GALNT2: variants seen among roughly 807,000 people sequenced by gnomAD.
GALNT2 encodes the protein UDP-GalNAc:polypeptide N-acetylgalactosaminyltransferase 2.
Under a neutral mutation model 81.4 loss-of-function variants are expected in GALNT2, and 31 were observed. The observed-to-expected ratio is 0.38, with a 90% confidence interval of 0.29 to 0.51. The LOEUF (loss-of-function observed/expected upper bound fraction) is 0.51. GALNT2 is among the 20% of genes least tolerant of loss of function. GALNT2 has a pLI of 0.87. For missense variants in GALNT2, 629 were observed against 765.7 expected (o/e 0.82, Z 2.11); for synonymous variants, 303 against 287.4 (o/e 1.05, Z -0.55).
At chr1:230,160,355 A>G (rs78176593) in intron 1 of GALNT2, among the ~76,000 whole-genome samples, 8,104 of 152,222 alleles carry the variant, frequency 0.053, 559 homozygotes, top group African/African-American at 0.16. Context: ...CGTGGCCAGG[A>G]TCACACACCA....
chr1:230,256,192 G>A (rs12034414), intron 11 of GALNT2, among the ~76,000 whole-genome samples: 11,021 of 152,224 alleles, frequency 0.072, 996 homozygotes, highest in East Asian at 0.37. Flanking sequence ...TAATCCCAGC[G>A]TTGCGGGAGG....
At chr1:230,208,645 C>G (rs1479742270) in intron 3 of GALNT2, among the ~76,000 whole-genome samples, 1 of 152,222 alleles carries the variant, frequency 6.6e-6, no homozygotes, top group Non-Finnish European at 1.5e-5. Context: ...ACATTGAGAT[C>G]TTTAGCTGTG....
chr1:230,186,279 G>A (rs527300595), intron 2 of GALNT2, among the ~76,000 whole-genome samples: 6 of 152,168 alleles, frequency 3.9e-5, no homozygotes, highest in South Asian at 2.1e-4. Flanking sequence ...CTCCCCATGC[G>A]TTGTCCCACC....
upstream of GALNT2, among the ~76,000 whole-genome samples, chr1:230,066,906 CG>C (rs1332364550): frequency 6.9e-6 from 1 of 144,192 alleles, no homozygotes; most frequent in Non-Finnish European, 1.5e-5. Context: ...GGCGGGCGGC[CG>C]GGGGCGGGGC....
rs1257760025 is a variant in GALNT2 at position 230,067,285 on chromosome 1, G to C, written c.5G>C (p.Arg2Pro). The C allele has an allele frequency of 7.4e-7, 1 of 1,353,928 alleles. No homozygotes were observed. Among genetic ancestry groups the C allele is most frequent in the Non-Finnish European group, 9.6e-7 (1 of 1,039,548 alleles). The allele number at this position is 1,353,928 out of a possible 1,614,324, so 83.9% of individuals were successfully genotyped here. A position where few individuals can be genotyped will look rare whatever the true frequency, so the allele number is the denominator to read the frequency against. The change falls in exon 1 of 16, where the codon CGG (arginine) becomes CCG (proline). Residue 2 changes from arginine to proline, a missense_variant. By Grantham distance (103) the Arg-to-Pro change is moderately radical. Coordinates refer to ENST00000366672, the MANE Select transcript of GALNT2 (RefSeq NM_004481.5). M[R>P]RRSRMLLCFA... ...GCCGGCGGCCGAGTTGGGAGAATGC[G>C]GCGGCGCTCGCGGATGCTGCTCTGC...
At position 230,177,657 on chromosome 1, in the gene GALNT2, A is replaced by G. The variant is rs142565317; in HGVS notation, c.127-561A>G. 4.6e-5 allele frequency among the ~76,000 whole-genome samples: 7 copies of G among 152,224 alleles called. No individual in the cohort carries two copies. The East Asian group carries it at 1.4e-3, about 29-fold the overall frequency. On this transcript the variant is annotated intron_variant, in intron 1 of 15. Transcript: ENST00000366672. ...AGTCCTTAATATGTATCTCTGTTTC[A>G]TTGGCAGTCCTATTAGAGTAAGTCC...
chr1:230,083,409 G>A (rs1479772169), intron 1 of GALNT2, among the ~76,000 whole-genome samples: 2 of 151,204 alleles, frequency 1.3e-5, no homozygotes, highest in Non-Finnish European at 3.0e-5. Context: ...CAGGGAGCGG[G>A]ATGATGGAGC....
chr1:230,197,452 G>A (rs1280844027), intron 2 of GALNT2, among the ~76,000 whole-genome samples: 1 of 152,146 alleles, frequency 6.6e-6, no homozygotes, highest in Non-Finnish European at 1.5e-5. Flanking sequence ...TTGCAGAGTG[G>A]GACACCCCTC....
At chr1:230,157,466 CGCA>C (rs2102842727) in intron 1 of GALNT2, among the ~76,000 whole-genome samples, 1 of 152,320 alleles carries the variant, frequency 6.6e-6, no homozygotes, top group Admixed American at 6.5e-5. Flanking sequence ...TCTCATACAA[CGCA>C]GTAATCCCAC....
chr1:230,118,280 T>C (rs935323707), intron 1 of GALNT2, among the ~76,000 whole-genome samples: 2 of 152,258 alleles, frequency 1.3e-5, no homozygotes, highest in African/African-American at 4.8e-5. Flanking sequence ...TGTTTCACAT[T>C]GTAGCAATTA....
intron 11 of GALNT2, chr1:230,259,776 T>C (rs1267557587): frequency 6.6e-6 from 1 of 152,170 alleles, no homozygotes; most frequent in Non-Finnish European, 1.5e-5. Flanking sequence ...GAAAAGACAT[T>C]ACAAAAGGCC....
intron 1 of GALNT2, among the ~76,000 whole-genome samples, chr1:230,098,292 A>G (rs1483009429): frequency 3.3e-5 from 5 of 151,450 alleles, no homozygotes; most frequent in Non-Finnish European, 7.4e-5. Context: ...CTTTTGGTCA[A>G]CTCTGTTTGT....
At chr1:230,122,614 CTGTGTG>C (rs3033644) in intron 1 of GALNT2, among the ~76,000 whole-genome samples, 1 of 150,806 alleles carries the variant, frequency 6.6e-6, no homozygotes, top group Non-Finnish European at 1.5e-5. Context: ...AAGGGTGGCT[CTGTGTG>C]TGTGTGTGTG....
At chr1:230,126,040 C>T (rs1246766706) in intron 1 of GALNT2, among the ~76,000 whole-genome samples, 5 of 152,218 alleles carry the variant, frequency 3.3e-5, no homozygotes, top group Admixed American at 6.5e-5. Flanking sequence ...GTTCAGAGGA[C>T]GGTGTGTGGG....
At chr1:230,175,495 A>G (rs1243570983) in intron 1 of GALNT2, among the ~76,000 whole-genome samples, 2 of 151,808 alleles carry the variant, frequency 1.3e-5, no homozygotes, top group Non-Finnish European at 2.9e-5. Context: ...CACCTCGTAA[A>G]TACTGTGTTA....
At chr1:230,185,301 T>TGTGTGTGCGC (rs58770415) in intron 2 of GALNT2, among the ~76,000 whole-genome samples, 2 of 126,122 alleles carry the variant, frequency 1.6e-5, no homozygotes, top group East Asian at 5.7e-4. Context: ...TGTGTGTGTG[T>TGTGTGTGCGC]GCGCGCGTGT....
chr1:230,215,023 T>C (rs1664344187), intron 3 of GALNT2, among the ~76,000 whole-genome samples: 2 of 152,220 alleles, frequency 1.3e-5, no homozygotes, highest in South Asian at 4.1e-4. Flanking sequence ...TTTAGTTTTG[T>C]TCTCTGGCAG....
At chr1:230,097,588 C>G (rs753747330) in intron 1 of GALNT2, among the ~76,000 whole-genome samples, 9 of 152,204 alleles carry the variant, frequency 5.9e-5, no homozygotes, top group Non-Finnish European at 8.8e-5. Flanking sequence ...CTTTTGAAGG[C>G]TGAGTAATAT....
intron 3 of GALNT2, among the ~76,000 whole-genome samples, chr1:230,233,693 C>T (rs1228922947): frequency 6.6e-6 from 1 of 151,930 alleles, no homozygotes; most frequent in African/African-American, 2.4e-5. Flanking sequence ...GGGAATGTTT[C>T]CCTCCCCATC....
Sources: gnomAD v4.1 joint callset for allele counts (sites outside exome capture counted in the v4.1 genomes callset) on GRCh38, gnomAD v4.1.1 for gene constraint, MANE v1.5 for transcripts, NCBI Gene and HGNC (gene_info 2026-07-23, HGNC 2026-07-21) for gene names.